Variants in ARHGAP25 observed in about 807,000 individuals in gnomAD.
ARHGAP25 encodes Rho GTPase activating protein 25, also known as rho GTPase-activating protein 25.
A neutral mutation model predicts 71.0 loss-of-function variants in ARHGAP25; 34 were observed. The observed-to-expected ratio is 0.48, with a 90% confidence interval of 0.36 to 0.64. The LOEUF (loss-of-function observed/expected upper bound fraction) is 0.64, where lower values mean the gene tolerates loss of function less well. Ranked by LOEUF, ARHGAP25 falls within the 30% of genes least tolerant of loss-of-function variation. ARHGAP25 has a pLI of 0.00. For synonymous variants in ARHGAP25, 282 were observed against 296.5 expected (o/e 0.95, Z 0.50); for missense variants, 706 against 805.1 (o/e 0.88, Z 1.49).
chr2:68,766,586 A>G (rs1464509107), intron 1 of ARHGAP25, among the ~76,000 whole-genome samples: 3 of 152,198 alleles, frequency 2.0e-5, no homozygotes, highest in Non-Finnish European at 4.4e-5. Flanking sequence ...GGCCCTGGAG[A>G]GGCACCCTAG....
intron 2 of ARHGAP25, among the ~76,000 whole-genome samples, chr2:68,720,425 T>C (rs528223056): frequency 1.3e-5 from 2 of 152,264 alleles, no homozygotes; most frequent in African/African-American, 4.8e-5. Context: ...TTCTTAATTA[T>C]GTAGCCATTA....
chr2:68,712,791 T>C (rs1674517304), intron 2 of ARHGAP25, among the ~76,000 whole-genome samples: 1 of 152,210 alleles, frequency 6.6e-6, no homozygotes, highest in Non-Finnish European at 1.5e-5. Context: ...CTCGTTTTTG[T>C]CAGGTTTGTC....
intron 1 of ARHGAP25, chr2:68,774,788 C>A: frequency 9.4e-7 from 1 of 1,064,868 alleles, no homozygotes; most frequent in Non-Finnish European, 1.1e-6. Context: ...TCTGCAGCTG[C>A]GTGGGACTCA....
At chr2:68,781,116 G>A (rs977022006) in intron 2 of ARHGAP25, among the ~76,000 whole-genome samples, 9 of 152,106 alleles carry the variant, frequency 5.9e-5, no homozygotes, top group Non-Finnish European at 1.2e-4. Flanking sequence ...GGCCAGGCAC[G>A]GTGGCTCATG....
At chr2:68,768,522 C>T (rs752049740) in intron 1 of ARHGAP25, among the ~76,000 whole-genome samples, 10 of 152,192 alleles carry the variant, frequency 6.6e-5, no homozygotes, top group Non-Finnish European at 1.3e-4. Flanking sequence ...TACTAAAAAT[C>T]CCAAGGAAAA....
intron 1 of ARHGAP25, among the ~76,000 whole-genome samples, chr2:68,771,173 C>A (rs1333462140): frequency 6.6e-6 from 1 of 152,210 alleles, no homozygotes; most frequent in Non-Finnish European, 1.5e-5. Flanking sequence ...TGCTCATCCT[C>A]TCTCTACTAG....
intron 3 of ARHGAP25, among the ~76,000 whole-genome samples, chr2:68,785,554 G>T (rs1678696807): frequency 6.6e-6 from 1 of 151,588 alleles, no homozygotes; most frequent in African/African-American, 2.4e-5. Flanking sequence ...CGGGGGTTTG[G>T]GGGTAAGGGC....
chr2:68,785,720 G>A (rs533422557), intron 3 of ARHGAP25, among the ~76,000 whole-genome samples: 1 of 152,154 alleles, frequency 6.6e-6, no homozygotes, highest in African/African-American at 2.4e-5. Flanking sequence ...GGGGAAGAAA[G>A]GTCCCTAGAA....
chr2:68,733,002 A>C (rs1256068178), upstream of ARHGAP25, among the ~76,000 whole-genome samples: 1 of 152,218 alleles, frequency 6.6e-6, no homozygotes, highest in African/African-American at 2.4e-5. Flanking sequence ...ATCATCTGCA[A>C]ATATGTGACA....
intron 6 of ARHGAP25, among the ~76,000 whole-genome samples, chr2:68,815,935 C>T (rs1681195114): frequency 6.6e-6 from 1 of 152,064 alleles, no homozygotes; most frequent in Non-Finnish European, 1.5e-5. Context: ...TTATTGTGGT[C>T]TTATTCTTTA....
intron 1 of ARHGAP25, among the ~76,000 whole-genome samples, chr2:68,769,651 TACACAGG>T (rs1677355085): frequency 1.3e-5 from 2 of 152,152 alleles, no homozygotes; most frequent in African/African-American, 2.4e-5. Context: ...AAGGCTACGA[TACACAGG>T]TGTCTCCACT....
upstream of ARHGAP25, among the ~76,000 whole-genome samples, chr2:68,732,325 C>T (rs565766117): frequency 6.6e-6 from 1 of 152,302 alleles, no homozygotes; most frequent in African/African-American, 2.4e-5. Flanking sequence ...AGGAAGTTCC[C>T]TGCGTGTTTC....
intron 2 of ARHGAP25, 181 bp downstream of exon 2, chr2:68,775,601 A>G: frequency 1.0e-6 from 1 of 982,878 alleles, no homozygotes; most frequent in South Asian, 1.4e-5. Flanking sequence ...CAAAGATGAC[A>G]GAGTGGTCCT....
intron 5 of ARHGAP25, among the ~76,000 whole-genome samples, chr2:68,809,557 G>C (rs1268936316): frequency 6.6e-6 from 1 of 152,106 alleles, no homozygotes. Flanking sequence ...AGTGTGAAAG[G>C]GGGTGGAAAG....
At chr2:68,775,700 C>T in intron 2 of ARHGAP25, 1 of 591,240 alleles carries the variant, frequency 1.7e-6, no homozygotes, top group Non-Finnish European at 3.2e-6. Flanking sequence ...TAGTGACACT[C>T]AGTCAAGGGC....
chr2:68,787,899 G>A lies in ARHGAP25; in HGVS notation c.409G>A (p.Ala137Thr). 6 of 1,614,236 alleles carry A rather than the reference G, an allele frequency of 3.7e-6. No individual in the cohort carries two copies. Among genetic ancestry groups the A allele is most frequent in the Non-Finnish European group, 5.1e-6 (6 of 1,180,040 alleles). ...CTATGTCCTCATGGCCAGCTCTCAG[G>A]CGGAGATGGAGGAGTGGGTTAAATT... is the stretch of plus-strand genomic sequence containing the variant. ...DSYVLMASSQ[A>T]EMEEWVKFLR... is the part of the protein sequence containing the mutation. The change falls in exon 4 of 11, where the codon GCG becomes ACG. Residue 137 changes from alanine (A) to threonine (T), a missense_variant. Physicochemically the swap from Ala to Thr is moderately conservative, Grantham distance 58. Coordinates refer to ENST00000409202, the MANE Select transcript of ARHGAP25 (RefSeq NM_001007231.3).
At chr2:68,747,692 C>G (rs1279528654) in intron 1 of ARHGAP25, among the ~76,000 whole-genome samples, 2 of 152,168 alleles carry the variant, frequency 1.3e-5, no homozygotes, top group South Asian at 4.1e-4. Context: ...AATCATCCCT[C>G]TTCCCACCCC....
At chr2:68,781,952 T>C (rs558301640) in intron 2 of ARHGAP25, among the ~76,000 whole-genome samples, 1 of 152,306 alleles carries the variant, frequency 6.6e-6, no homozygotes, top group South Asian at 2.1e-4. Flanking sequence ...CTTGGAAAAG[T>C]GGGAAGAGGC....
intron 1 of ARHGAP25, among the ~76,000 whole-genome samples, chr2:68,766,423 T>C (rs1347826771): frequency 6.6e-6 from 1 of 152,218 alleles, no homozygotes; most frequent in African/African-American, 2.4e-5. Flanking sequence ...GCAAGCTTCT[T>C]GTTATTACAC....
Sources: gnomAD v4.1 joint callset for allele counts (sites outside exome capture counted in the v4.1 genomes callset) on GRCh38, gnomAD v4.1.1 for gene constraint, MANE v1.5 for transcripts, NCBI Gene and HGNC (gene_info 2026-07-23, HGNC 2026-07-21) for gene names.